The following DIP2C variants were observed in gnomAD, a reference collection of about 807,000 sequenced individuals.
DIP2C encodes DIP2 acetate--CoA ligase C (putative), also known as disco-interacting protein 2 homolog C.
A neutral mutation model predicts 192.4 loss-of-function variants in DIP2C; 33 were observed. That is an observed-to-expected ratio of 0.17 (90% CI 0.13 to 0.23). DIP2C has a LOEUF of 0.23. DIP2C is among the 10% of genes least tolerant of loss of function. The pLI, the probability that DIP2C is intolerant of heterozygous loss-of-function variation, is 1.00. For synonymous variants in DIP2C, 979 were observed against 864.1 expected (o/e 1.13, Z -2.33); for missense variants, 1,537 against 2,110.1 (o/e 0.73, Z 5.32).
intron 1 of DIP2C, among the ~76,000 whole-genome samples, chr10:496,665 T>A (rs979543549): frequency 7.9e-5 from 12 of 151,860 alleles, no homozygotes; most frequent in Admixed American, 7.9e-4. Context: ...TGACCTCCCG[T>A]GTACTTAAAA....
Position 314,226 on chromosome 10 carries a change from C to CT in DIP2C, c.3925-4135dup, listed in dbSNP as rs1956678854. Among the ~76,000 whole-genome samples the CT allele has an allele frequency of 2.0e-5, 3 of 152,192 alleles. No homozygotes were observed. In the South Asian group the frequency reaches 6.2e-4, roughly 32 times the overall value. ...GGCTTAGAGAAGCCTTAATGATGTA[C>CT]TCCCAGTGATCTTTTCAAAACCAGT... is the stretch of plus-strand genomic sequence containing the variant. On this transcript the variant is annotated intron_variant, in intron 31 of 36. Coordinates refer to ENST00000280886, the MANE Select transcript of DIP2C (RefSeq NM_014974.3).
At chr10:566,806 C>G (rs1205859997) in intron 1 of DIP2C, among the ~76,000 whole-genome samples, 1 of 152,194 alleles carries the variant, frequency 6.6e-6, no homozygotes, top group East Asian at 1.9e-4. Context: ...AGGCACCATG[C>G]GGAGCAGCGT....
At chr10:328,076 G>A (rs1275802154) in intron 30 of DIP2C, among the ~76,000 whole-genome samples, 1 of 152,146 alleles carries the variant, frequency 6.6e-6, no homozygotes, top group African/African-American at 2.4e-5. Context: ...CAACCGTCAG[G>A]CCCTGCGAAC....
intron 1 of DIP2C, among the ~76,000 whole-genome samples, chr10:548,911 C>CAAAAAAAAAAAAAAAAAAAAAAA (rs61437915): frequency 2.3e-4 from 6 of 26,458 alleles, no homozygotes; most frequent in African/African-American, 6.7e-4. Context: ...TAGCAGCTCA[C>CAAAAAAAAAAAAAAAAAAAAAAA]AAAAAAAAAA....
At chr10:515,956 T>G (rs1054916736) in intron 1 of DIP2C, among the ~76,000 whole-genome samples, 2 of 152,026 alleles carry the variant, frequency 1.3e-5, no homozygotes, top group Admixed American at 1.3e-4. Flanking sequence ...AGAGTTTAGC[T>G]GCAGAAAGTG....
At chr10:398,471 T>C (rs1003305144) in intron 10 of DIP2C, among the ~76,000 whole-genome samples, 5 of 152,226 alleles carry the variant, frequency 3.3e-5, no homozygotes, top group Admixed American at 2.0e-4. Context: ...TTACATGTAT[T>C]GCCTAATGTC....
At chr10:546,085 C>T (rs559377747) in intron 1 of DIP2C, among the ~76,000 whole-genome samples, 96 of 152,070 alleles carry the variant, frequency 6.3e-4, no homozygotes, top group African/African-American at 2.0e-3. Context: ...AGTTCCAGAC[C>T]GGCCTGACCA....
chr10:484,923 C>T, intron 2 of DIP2C: 2 of 1,611,286 alleles, frequency 1.2e-6, no homozygotes, highest in Non-Finnish European at 8.5e-7. Flanking sequence ...GCAGTCTACA[C>T]CGAACCACGG....
intron 1 of DIP2C, among the ~76,000 whole-genome samples, chr10:529,533 G>C (rs1847250228): frequency 1.3e-5 from 2 of 152,198 alleles, no homozygotes; most frequent in South Asian, 4.1e-4. Context: ...AAAGTAGTGA[G>C]CTATGTATCC....
At chr10:517,297 T>C (rs1182693465) in intron 1 of DIP2C, among the ~76,000 whole-genome samples, 3 of 152,154 alleles carry the variant, frequency 2.0e-5, no homozygotes, top group Admixed American at 6.5e-5. Context: ...ACACTTCCAG[T>C]TAACATGACA....
At chr10:544,683 T>G (rs1028051883) in intron 1 of DIP2C, among the ~76,000 whole-genome samples, 1 of 152,264 alleles carries the variant, frequency 6.6e-6, no homozygotes, top group East Asian at 1.9e-4. Context: ...CTAAGATGAC[T>G]AATTCTGTTA....
intron 1 of DIP2C, among the ~76,000 whole-genome samples, chr10:500,387 G>C (rs1320590372): frequency 6.6e-6 from 1 of 152,382 alleles, no homozygotes; most frequent in South Asian, 2.1e-4. Context: ...GATACATGAA[G>C]GGAAAGTGAC....
chr10:546,362 A>G (rs1848287920), intron 1 of DIP2C, among the ~76,000 whole-genome samples: 1 of 152,054 alleles, frequency 6.6e-6, no homozygotes, highest in South Asian at 2.1e-4. Flanking sequence ...TAAAGAAAAA[A>G]CCATTTTCCA....
chr10:470,311 G>A (rs775463758), intron 3 of DIP2C, among the ~76,000 whole-genome samples: 25 of 152,336 alleles, frequency 1.6e-4, no homozygotes, highest in Middle Eastern at 3.4e-3. Context: ...CAGGAGAAAT[G>A]AACCGTGCTT....
At chr10:572,183 C>T (rs981452816) in intron 1 of DIP2C, among the ~76,000 whole-genome samples, 1 of 152,240 alleles carries the variant, frequency 6.6e-6, no homozygotes, top group Non-Finnish European at 1.5e-5. Flanking sequence ...CATGGCTCCA[C>T]ACGCCAGTGT....
rs765548543 is a variant in DIP2C, at chr10:396,195, A to G, written c.1260+2914T>C. 8.5e-5 allele frequency among the ~76,000 whole-genome samples: 13 copies of G among 152,320 alleles called. No homozygotes were observed. The East Asian group carries it at 9.6e-4, about 11-fold the overall frequency. The stretch of plus-strand genomic sequence containing the variant: ...ACTACCATTCAAAGGTACTTAATTC[A>G]TTATTTCAAAGCATCTTAAATGTGT... On this transcript the variant is annotated intron_variant, in intron 10 of 36. Transcript: ENST00000280886.
chr10:294,996 T>A (rs1383717790), intron 32 of DIP2C, among the ~76,000 whole-genome samples: 1 of 151,760 alleles, frequency 6.6e-6, no homozygotes, highest in East Asian at 1.9e-4. Context: ...AAAAGAAAAC[T>A]GATTAAAAAA....
At chr10:412,988 C>G (rs1965284801) in intron 8 of DIP2C, among the ~76,000 whole-genome samples, 1 of 152,150 alleles carries the variant, frequency 6.6e-6, no homozygotes, top group Non-Finnish European at 1.5e-5. Flanking sequence ...AAAATTCTAA[C>G]TGATTAATTT....
intron 1 of DIP2C, among the ~76,000 whole-genome samples, chr10:548,258 G>C (rs994533357): frequency 7.8e-6 from 1 of 128,966 alleles, no homozygotes; most frequent in South Asian, 2.8e-4. Flanking sequence ...GGGCCCCCAG[G>C]TGGGTAAGGA....
Sources: gnomAD v4.1 joint callset for allele counts (sites outside exome capture counted in the v4.1 genomes callset) on GRCh38, gnomAD v4.1.1 for gene constraint, MANE v1.5 for transcripts, NCBI Gene and HGNC (gene_info 2026-07-23, HGNC 2026-07-21) for gene names.